The following PHF20L1 variants were observed in gnomAD, a reference collection of about 807,000 sequenced individuals.
The protein encoded by PHF20L1 is PHD finger protein 20-like protein 1.
In PHF20L1, 44 loss-of-function variants were observed where a neutral mutation model predicts 125.5. The ratio of observed to expected loss-of-function variants is 0.35; its 90% CI spans 0.28 to 0.45. The LOEUF (loss-of-function observed/expected upper bound fraction) is 0.45, where lower values mean the gene tolerates loss of function less well. Ranked by LOEUF, PHF20L1 falls within the 20% of genes least tolerant of loss-of-function variation. The probability of loss-of-function intolerance (pLI) is 1.00; values close to 1 mark genes in which losing one functional copy is unlikely to be tolerated. For synonymous variants in PHF20L1, 380 were observed against 403.1 expected (o/e 0.94, Z 0.69); for missense variants, 1,012 against 1,217.2 (o/e 0.83, Z 2.51).
At chr8:132,785,545 C>G (rs539018530) in intron 2 of PHF20L1, among the ~76,000 whole-genome samples, 2 of 152,146 alleles carry the variant, frequency 1.3e-5, no homozygotes, top group African/African-American at 4.8e-5. Context: ...TTCTGCTGTT[C>G]TTCATTAAGG....
intron 8 of PHF20L1, chr8:132,810,599 G>C (rs1217959897): frequency 1.9e-5 from 3 of 156,278 alleles, no homozygotes; most frequent in Non-Finnish European, 4.2e-5. Flanking sequence ...AGAATTGGTA[G>C]CTTTTTTAGT....
intron 14 of PHF20L1, among the ~76,000 whole-genome samples, chr8:132,828,581 G>T (rs1836446535): frequency 6.6e-6 from 1 of 152,010 alleles, no homozygotes. Context: ...AAGTAATTTA[G>T]ATTAGTTGTT....
intron 4 of PHF20L1, among the ~76,000 whole-genome samples, chr8:132,795,311 AAT>A (rs1006719883): frequency 5.3e-5 from 8 of 152,094 alleles, no homozygotes; most frequent in Admixed American, 5.2e-4. Context: ...TTCTACAGAT[AAT>A]TGAGTTAATT....
chr8:132,809,374 C>G (rs776920677), intron 8 of PHF20L1: 5 of 152,144 alleles, frequency 3.3e-5, no homozygotes, highest in Non-Finnish European at 7.3e-5. Flanking sequence ...ACCGTGTTGG[C>G]CAGGCTGGTC....
intron 4 of PHF20L1, among the ~76,000 whole-genome samples, chr8:132,795,518 TAATTA>T (rs1272524562): frequency 6.6e-6 from 1 of 152,178 alleles, no homozygotes; most frequent in East Asian, 1.9e-4. Context: ...TGAGAATTAA[TAATTA>T]AATTATTGTT....
At position 132,832,284 on chromosome 8, in the gene PHF20L1, T is replaced by C. The variant is rs769536576; in HGVS notation, c.1794T>C (p.Ser598=). The C allele has an allele frequency of 6.2e-7, 1 of 1,607,604 alleles. No homozygotes were observed. The highest frequency in any genetic ancestry group is 1.1e-5 in the South Asian group (1 of 90,932). ...DSSLEFLERC[S]SPLTRSSGSS... ...CCCTCGAATTTTTGGAAAGGTGCTC[T>C]TCTCCACTAACTCGATCTTCTGGGA... The change falls in exon 15 of 21, where the codon TCT becomes TCC. Residue 598 remains serine, a synonymous_variant. Transcript: ENST00000395386.
intron 8 of PHF20L1, chr8:132,807,010 T>A (rs565367425): frequency 6.6e-6 from 1 of 152,236 alleles, no homozygotes; most frequent in East Asian, 1.9e-4. Flanking sequence ...GTATAGAGAA[T>A]GTTAAAAGGA....
At chr8:132,837,574 G>A in intron 16 of PHF20L1, 138 bp from the exon 17 acceptor site, 1 of 613,242 alleles carries the variant, frequency 1.6e-6, no homozygotes, top group Admixed American at 2.4e-5. Context: ...GCTTGATTTT[G>A]TTGTGTCAAA....
intron 2 of PHF20L1, among the ~76,000 whole-genome samples, chr8:132,790,695 A>G (rs192657583): frequency 6.6e-6 from 1 of 152,300 alleles, no homozygotes; most frequent in East Asian, 1.9e-4. Flanking sequence ...GAAATCCTCC[A>G]TGGCTGCTTG....
At chr8:132,828,954 G>C (rs1038434029) in intron 14 of PHF20L1, among the ~76,000 whole-genome samples, 1 of 152,046 alleles carries the variant, frequency 6.6e-6, no homozygotes, top group Non-Finnish European at 1.5e-5. Flanking sequence ...AGGAAGGTCT[G>C]ATATTTGTGG....
At chr8:132,808,352 A>G (rs1412055335) in intron 8 of PHF20L1, 1 of 152,162 alleles carries the variant, frequency 6.6e-6, no homozygotes, top group Admixed American at 6.5e-5. Flanking sequence ...GTAAATCCAT[A>G]TGTTATGGGT....
intron 4 of PHF20L1, among the ~76,000 whole-genome samples, chr8:132,796,996 T>A (rs1832467735): frequency 6.6e-6 from 1 of 151,958 alleles, no homozygotes; most frequent in African/African-American, 2.4e-5. Flanking sequence ...GCGCACACAC[T>A]CAGAACAAAA....
chr8:132,781,595 A>T (rs1174410559), intron 2 of PHF20L1, among the ~76,000 whole-genome samples: 1 of 150,824 alleles, frequency 6.6e-6, no homozygotes, highest in African/African-American at 2.4e-5. Context: ...TGCCCAGCTA[A>T]TTTTTTTTTG....
chr8:132,799,058 A>T (rs774201249), intron 5 of PHF20L1, 37 bp from the exon 6 acceptor site: 1 of 1,557,416 alleles, frequency 6.4e-7, no homozygotes, highest in African/African-American at 1.4e-5. Flanking sequence ...TTTGGTTTAG[A>T]CCTGCTAAAG....
rs937918613 is a variant in PHF20L1, at chr8:132,848,026, A to T, written c.*2103A>T. 2.0e-5 allele frequency: 3 copies of T among 152,044 alleles called. No individual in the cohort carries two copies. Among genetic ancestry groups the T allele is most frequent in the African/African-American group, 7.2e-5 (3 of 41,418 alleles). The allele number at this position is 152,044 out of a possible 1,614,324, so 9.4% of individuals were successfully genotyped here. A position where few individuals can be genotyped will look rare whatever the true frequency, so the allele number is the denominator to read the frequency against. On this transcript the variant is annotated 3_prime_UTR_variant, in exon 21 of 21. Coordinates refer to ENST00000395386, the MANE Select transcript of PHF20L1 (RefSeq NM_016018.5). ...AGATACGGAGCAAATAGCATCCTTA[A>T]CCTATGAATAATGGTGTTGCCTAGA... is the stretch of plus-strand genomic sequence containing the variant.
intron 20 of PHF20L1, among the ~76,000 whole-genome samples, chr8:132,845,507 AT>A (rs1314348162): frequency 6.6e-6 from 1 of 151,970 alleles, no homozygotes; most frequent in African/African-American, 2.4e-5. Context: ...GTGTATATGT[AT>A]TTTCCCCCTT....
At chr8:132,799,469 A>G (rs1346303666) in intron 6 of PHF20L1, 1 of 214,598 alleles carries the variant, frequency 4.7e-6, no homozygotes, top group African/African-American at 2.3e-5. Context: ...GGTAAAAACC[A>G]CAATTCCATT....
intron 12 of PHF20L1, 101 bp from the exon 13 acceptor site, chr8:132,823,903 G>A: frequency 1.6e-6 from 1 of 632,128 alleles, no homozygotes; most frequent in Non-Finnish European, 2.7e-6. Context: ...AGGAGAAAAA[G>A]AGTCTTACAT....
chr8:132,812,966 A>T, intron 9 of PHF20L1: 1 of 938,852 alleles, frequency 1.1e-6, no homozygotes, highest in Non-Finnish European at 1.3e-6. Context: ...TGTATTAGGG[A>T]TATGTCATGT....
Sources: allele counts gnomAD v4.1 joint callset (sites outside exome capture counted in the v4.1 genomes callset), GRCh38; gene constraint gnomAD v4.1.1; transcripts MANE v1.5; gene names NCBI Gene and HGNC (gene_info 2026-07-23, HGNC 2026-07-21).